UMPS: variants seen among roughly 807,000 people sequenced by gnomAD.
UMPS encodes uridine monophosphate synthetase.
In UMPS, 21 loss-of-function variants were observed where a neutral mutation model predicts 38.9. The observed-to-expected ratio is 0.54, with a 90% confidence interval of 0.38 to 0.78. The LOEUF (loss-of-function observed/expected upper bound fraction) is 0.78, where lower values mean the gene tolerates loss of function less well. Ranked by LOEUF, UMPS falls within the 30% of genes least tolerant of loss-of-function variation. The pLI, the probability that UMPS is intolerant of heterozygous loss-of-function variation, is 0.00. For missense variants in UMPS, 533 were observed against 591.6 expected, an observed-to-expected ratio of 0.90 and a Z score of 1.03; for synonymous variants, 208 against 219.3, an observed-to-expected ratio of 0.95 and a Z score of 0.45.
chr3:124,731,679 T>G (rs952438662), intron 1 of UMPS: 11 of 223,488 alleles, frequency 4.9e-5, no homozygotes, highest in Non-Finnish European at 8.4e-5. Context: ...GGTGGATCAC[T>G]TAAGGTCTGG....
At chr3:124,743,827 G>A (rs1579138137) in intron 5 of UMPS, 88 bp from the exon 6 acceptor site, 3 of 1,542,082 alleles carry the variant, frequency 1.9e-6, no homozygotes, top group African/African-American at 1.4e-5. Flanking sequence ...TTTATTTAAA[G>A]CTGGTTAGAT....
chr3:124,734,369 T>C lies in UMPS; in HGVS notation c.157-724T>C, dbSNP rs537575495. Among the ~76,000 whole-genome samples the C allele has an allele frequency of 7.2e-5, 11 of 152,334 alleles. No homozygotes were observed. The South Asian group carries it at 2.3e-3, about 32-fold the overall frequency. On this transcript the variant is annotated intron_variant, in intron 1 of 5. Transcript: ENST00000232607. ...AAATAGCAATTCACACAATAGTCTG[T>C]ATTTATGAAACTTCCTAATTGAAGG...
rs774880696 is a variant in UMPS, at chr3:124,746,417, C to T, written c.*2333C>T. On this transcript the variant is annotated 3_prime_UTR_variant, in exon 6 of 6. Transcript: ENST00000232607. Reference sequence around the variant, plus strand: ...TTGTATTTCTATTGTGAAGAGTCAGCCCAGTACTGCAGGCCTCTTACCTAA... The same window carrying T: ...TTGTATTTCTATTGTGAAGAGTCAGTCCAGTACTGCAGGCCTCTTACCTAA... 15 of 453,990 alleles carry T rather than the reference C, an allele frequency of 3.3e-5. 1 individual carries two copies. The highest frequency in any genetic ancestry group is 2.3e-4 in the South Asian group (15 of 64,482). 28.1% of individuals were successfully genotyped at this position (453,990 alleles called of 1,614,324 possible). A position where few individuals can be genotyped will look rare whatever the true frequency, so the allele number is the denominator to read the frequency against.
rs1346101430 is a variant in UMPS, at chr3:124,744,412, A to G, written c.*328A>G. The G allele has an allele frequency of 1.1e-5, 5 of 465,328 alleles. No individual in the cohort carries two copies. The highest frequency in any genetic ancestry group is 1.5e-5 in the South Asian group (1 of 64,522). 28.8% of individuals were successfully genotyped at this position (465,328 alleles called of 1,614,324 possible). A position where few individuals can be genotyped will look rare whatever the true frequency, so the allele number is the denominator to read the frequency against. On this transcript the variant is annotated 3_prime_UTR_variant, in exon 6 of 6. Transcript: ENST00000232607. ...TGGGACTAGACTGCTTTGTTATTCT[A>G]TTTATTTTTTAATTTTTTTCGAGAC...
chr3:124,737,225 G>A, intron 2 of UMPS: 1 of 285,480 alleles, frequency 3.5e-6, no homozygotes. Context: ...ACAACATAGT[G>A]AGACCTCATC....
In UMPS at chr3:124,737,932, C is replaced by T. The variant is rs2150896851; in HGVS notation, c.675C>T (p.Leu225=). Residue 225 remains leucine, a synonymous_variant, in exon 3 of 6, where the codon CTC becomes CTT. Transcript: ENST00000232607. The part of the protein sequence containing the change: ...PLSIKEAPKE[L]SFGARAELPR... Reference sequence around the variant, plus strand: ...CTATAAAGGAAGCACCCAAAGAACTCAGCTTCGGTGCACGTGCAGAGCTGC... The same window carrying T: ...CTATAAAGGAAGCACCCAAAGAACTTAGCTTCGGTGCACGTGCAGAGCTGC... 2 of 1,614,246 alleles carry T rather than the reference C, an allele frequency of 1.2e-6. No individual in the cohort carries two copies. Among genetic ancestry groups the T allele is most frequent in the East Asian group, 2.2e-5 (1 of 44,892 alleles).
rs1158803041 is a variant in UMPS at position 124,747,825 on chromosome 3, A to T, written c.*3741A>T. On this transcript the variant is annotated 3_prime_UTR_variant, in exon 6 of 6. Transcript: ENST00000232607. Reference sequence around the variant, plus strand: ...CATCAGCGATCTCTCCCAGCGAAATAGCTGCTTGGTCTTGTGTGAATCCTG... The same window carrying T: ...CATCAGCGATCTCTCCCAGCGAAATTGCTGCTTGGTCTTGTGTGAATCCTG... 2.2e-6 allele frequency: 1 copy of T among 452,142 alleles called. No individual in the cohort carries two copies. The highest frequency in any genetic ancestry group is 1.6e-5 in the South Asian group (1 of 64,470). 28.0% of individuals were successfully genotyped at this position (452,142 alleles called of 1,614,324 possible).
chr3:124,747,299 C>A lies in UMPS; in HGVS notation c.*3215C>A. The A allele has an allele frequency of 4.4e-6, 2 of 455,364 alleles. No individual in the cohort carries two copies. Among genetic ancestry groups the A allele is most frequent in the South Asian group, 3.1e-5 (2 of 65,220 alleles). The allele number at this position is 455,364 out of a possible 1,614,324, so 28.2% of individuals were successfully genotyped here. A position where few individuals can be genotyped will look rare whatever the true frequency, so the allele number is the denominator to read the frequency against. On this transcript the variant is annotated 3_prime_UTR_variant, in exon 6 of 6. Transcript: ENST00000232607. ...CAGTTGCAGTGGTTGCCATCTGGGT[C>A]ATCAGACCTGGCTGTCAGGGGTGCA...
At position 124,737,648 on chromosome 3, in the gene UMPS, A is replaced by G. The variant is rs2063526965; in HGVS notation, c.391A>G (p.Ser131Gly). ...TGAAGATGTTGTCACCAGTGGATCT[A>G]GTGTTTTGGAAACTGTTGAGGTTCT... ...IIEDVVTSGS[S>G]VLETVEVLQK... Residue 131 changes from serine to glycine, a missense_variant, in exon 3 of 6, where the codon AGT becomes GGT. Ser to Gly is a moderately conservative substitution (Grantham distance 56). Transcript: ENST00000232607. 1.2e-6 allele frequency: 2 copies of G among 1,614,128 alleles called. No individual in the cohort carries two copies. Among genetic ancestry groups the G allele is most frequent in the Non-Finnish European group, 1.7e-6 (2 of 1,180,056 alleles).
chr3:124,737,273 AC>A (rs1342932881), intron 2 of UMPS: 8 of 326,590 alleles, frequency 2.4e-5, no homozygotes, highest in Non-Finnish European at 4.0e-5. Flanking sequence ...TAAAAAAAAA[AC>A]CTCTCTATTT....
Position 124,747,015 on chromosome 3 carries a change from T to C in UMPS, c.*2931T>C, listed in dbSNP as rs530280806. 5 of 453,738 alleles carry C rather than the reference T, an allele frequency of 1.1e-5. No homozygotes were observed. Among genetic ancestry groups the C allele is most frequent in the African/African-American group, 8.0e-5 (4 of 49,984 alleles). 28.1% of individuals were successfully genotyped at this position (453,738 alleles called of 1,614,324 possible). A position where few individuals can be genotyped will look rare whatever the true frequency, so the allele number is the denominator to read the frequency against. On this transcript the variant is annotated 3_prime_UTR_variant, in exon 6 of 6. Transcript: ENST00000232607. ...CCGAGGGCTGGTTTTTTGTTTTGTTTTGTTTGTTTGATACAGGGTCTTCAC... is the reference window on the plus strand; with the variant it reads ...CCGAGGGCTGGTTTTTTGTTTTGTTCTGTTTGTTTGATACAGGGTCTTCAC...
Position 124,737,042 on chromosome 3 carries a change from T to C in UMPS, c.311-526T>C, listed in dbSNP as rs182630313. On this transcript the variant is annotated intron_variant, in intron 2 of 5. Coordinates refer to ENST00000232607, the MANE Select transcript of UMPS (RefSeq NM_000373.4). ...AATACTTTGATGGAAAAAGGAATTA[T>C]TTCATTCATGATACTGGATTATTCT... 1.5e-4 allele frequency among the ~76,000 whole-genome samples: 23 copies of C among 152,386 alleles called. No homozygotes were observed. The East Asian group carries it at 3.9e-3, about 26-fold the overall frequency.
In UMPS at chr3:124,737,641, T is replaced by C. The variant is rs1441855635; in HGVS notation, c.384T>C (p.Ser128=). The C allele has an allele frequency of 1.9e-6, 3 of 1,614,242 alleles. No individual in the cohort carries two copies. The highest frequency in any genetic ancestry group is 2.7e-5 in the African/African-American group (2 of 75,072). Residue 128 remains serine (S), a synonymous_variant, in exon 3 of 6, where the codon AGT becomes AGC. Transcript: ENST00000232607. ...TCLIIEDVVT[S]GSSVLETVEV... Reference sequence around the variant, plus strand: ...TAATCATTGAAGATGTTGTCACCAGTGGATCTAGTGTTTTGGAAACTGTTG... The same window carrying C: ...TAATCATTGAAGATGTTGTCACCAGCGGATCTAGTGTTTTGGAAACTGTTG...
chr3:124,742,276 G>C lies in UMPS; in HGVS notation c.1273+10G>C. ...CAGTTGGAAGCAGGAGGTAAATCTG[G>C]TCACTGGTCGTGGCTCTTCCAAAAA... On this transcript the variant is annotated intron_variant, in intron 5 of 5. Coordinates refer to ENST00000232607, the MANE Select transcript of UMPS (RefSeq NM_000373.4). The C allele has an allele frequency of 6.3e-7, 1 of 1,599,942 alleles. No individual in the cohort carries two copies. Among genetic ancestry groups the C allele is most frequent in the Non-Finnish European group, 8.6e-7 (1 of 1,167,134 alleles).
Position 124,739,844 on chromosome 3 carries a change from TAC to T in UMPS, c.983-178_983-177del, listed in dbSNP as rs201239805. On this transcript the variant is annotated intron_variant, in intron 3 of 5. Coordinates refer to ENST00000232607, the MANE Select transcript of UMPS (RefSeq NM_000373.4). ...CCCAGCTACTTACCTGAATAACAGA[TAC>T]AGTTTTCACAGATGGAACCATGGGT... is the stretch of plus-strand genomic sequence containing the variant. Among the ~76,000 whole-genome samples the T allele has an allele frequency of 3.6e-4, 55 of 152,328 alleles. 1 individual carries two copies. The East Asian group carries it at 9.2e-3, about 26-fold the overall frequency.
In UMPS at chr3:124,730,479, T is replaced by A. The variant is rs77018024; in HGVS notation, c.8T>A (p.Val3Asp). MAVARAALGPLVT... is the reference protein window; with the variant it reads MADARAALGPLVT... Reference sequence around the variant, plus strand: ...AACAGGCAGCGCGCGACAATGGCGGTCGCTCGTGCAGCTTTGGGGCCATTG... The same window carrying A: ...AACAGGCAGCGCGCGACAATGGCGGACGCTCGTGCAGCTTTGGGGCCATTG... The change falls in exon 1 of 6, where the codon GTC (valine) becomes GAC (aspartate). Residue 3 changes from valine (V) to aspartate (D), a missense_variant. Transcript: ENST00000232607. 6.2e-7 allele frequency: 1 copy of A among 1,613,894 alleles called. No individual in the cohort carries two copies. The highest frequency in any genetic ancestry group is 8.5e-7 in the Non-Finnish European group (1 of 1,179,938).
In UMPS at chr3:124,748,487, A is replaced by G. The variant is rs2063619691; in HGVS notation, c.*4403A>G. Reference sequence around the variant, plus strand: ...AACTTCTAAAGTTCAAGGTTTTGGCATAAGTCTGGTTTAGAAGCACATTTG... The same window carrying G: ...AACTTCTAAAGTTCAAGGTTTTGGCGTAAGTCTGGTTTAGAAGCACATTTG... On this transcript the variant is annotated 3_prime_UTR_variant, in exon 6 of 6. Coordinates refer to ENST00000232607, the MANE Select transcript of UMPS (RefSeq NM_000373.4). The G allele has an allele frequency of 2.2e-6, 1 of 453,846 alleles. No individual in the cohort carries two copies. Among genetic ancestry groups the G allele is most frequent in the African/African-American group, 2.0e-5 (1 of 49,986 alleles). 28.1% of individuals were successfully genotyped at this position (453,846 alleles called of 1,614,324 possible).
rs199807499 is a variant in UMPS, at chr3:124,740,463, C to T, written c.1158+264C>T. On this transcript the variant is annotated intron_variant, in intron 4 of 5. Coordinates refer to ENST00000232607, the MANE Select transcript of UMPS (RefSeq NM_000373.4). ...AGATAGTTAGTCAAACAAACACTTA[C>T]TAAATCTACCAGGACTTTAAGATAA... is the stretch of plus-strand genomic sequence containing the variant. 1.3e-4 allele frequency among the ~76,000 whole-genome samples: 20 copies of T among 152,278 alleles called. No individual in the cohort carries two copies. The East Asian group carries it at 3.9e-3, about 29-fold the overall frequency.
rs1559910023 is a variant in UMPS at position 124,746,997 on chromosome 3, C to CATTTTT, written c.*2913_*2914insATTTTT. 1 of 451,088 alleles carries CATTTTT rather than the reference C, an allele frequency of 2.2e-6. No homozygotes were observed. Among genetic ancestry groups the CATTTTT allele is most frequent in the Non-Finnish European group, 4.4e-6 (1 of 225,930 alleles). 27.9% of individuals were successfully genotyped at this position (451,088 alleles called of 1,614,324 possible). ...AAATCTGCCAAAAGTAGGCCGAGGG[C>CATTTTT]TGGTTTTTTGTTTTGTTTTGTTTGT... On this transcript the variant is annotated 3_prime_UTR_variant, in exon 6 of 6. Coordinates refer to ENST00000232607, the MANE Select transcript of UMPS (RefSeq NM_000373.4).
Sources: allele counts gnomAD v4.1 joint callset (sites outside exome capture counted in the v4.1 genomes callset), GRCh38; gene constraint gnomAD v4.1.1; transcripts MANE v1.5; gene names NCBI Gene and HGNC (gene_info 2026-07-23, HGNC 2026-07-21).